Variants in SNPH observed in about 807,000 individuals in gnomAD.
The protein encoded by SNPH is syntaphilin.
A neutral mutation model predicts 36.8 loss-of-function variants in SNPH; 10 were observed. The observed-to-expected ratio is 0.27, with a 90% confidence interval of 0.17 to 0.46. The LOEUF (loss-of-function observed/expected upper bound fraction) is 0.46, where lower values mean the gene tolerates loss of function less well. SNPH is among the 20% of genes least tolerant of loss of function. The pLI, the probability that SNPH is intolerant of heterozygous loss-of-function variation, is 1.00. For synonymous variants in SNPH, 281 were observed against 312.2 expected (o/e 0.90, Z 1.05); for missense variants, 622 against 744.0 (o/e 0.84, Z 1.91).
At chr20:1,300,509 TG>T in intron 5 of SNPH, 52 bp from the exon 6 acceptor site, 1 of 1,604,894 alleles carries the variant, frequency 6.2e-7, no homozygotes, top group Non-Finnish European at 8.5e-7. Flanking sequence ...GTAAAGCACC[TG>T]TGCCTTGCCT....
chr20:1,290,307 G>A (rs1333614271), intron 2 of SNPH, among the ~76,000 whole-genome samples: 3 of 152,156 alleles, frequency 2.0e-5, no homozygotes, highest in East Asian at 1.9e-4. Flanking sequence ...CTTCTAAAAC[G>A]TTTTTTATCT....
chr20:1,299,134 A>G (rs758494525), intron 5 of SNPH, among the ~76,000 whole-genome samples: 6 of 152,080 alleles, frequency 3.9e-5, no homozygotes, highest in Admixed American at 2.6e-4. Context: ...ACCACTTCTC[A>G]TTCCACTTCT....
In SNPH at chr20:1,309,273, G is replaced by A. The variant is rs2088623464; in HGVS notation, c.*3219G>A. On this transcript the variant is annotated 3_prime_UTR_variant, in exon 7 of 7. Transcript: ENST00000381867. Reference sequence around the variant, plus strand: ...CTTGTCTCCTTTGTCCTTTTGTTCAGACAGAGTTGTACCTGCAGCAGACAA... The same window carrying A: ...CTTGTCTCCTTTGTCCTTTTGTTCAAACAGAGTTGTACCTGCAGCAGACAA... 1 of 152,646 alleles carries A rather than the reference G, an allele frequency of 6.6e-6. No individual in the cohort carries two copies. The highest frequency in any genetic ancestry group is 1.5e-5 in the Non-Finnish European group (1 of 68,058). The allele number at this position is 152,646 out of a possible 1,614,324, so 9.5% of individuals were successfully genotyped here.
At chr20:1,278,280 G>A (rs1024774911) in intron 2 of SNPH, among the ~76,000 whole-genome samples, 3 of 152,062 alleles carry the variant, frequency 2.0e-5, no homozygotes, top group African/African-American at 7.2e-5. Context: ...GTGTATGTGT[G>A]TTGTTTGTGT....
Position 1,294,722 on chromosome 20 carries a change from G to A in SNPH, c.-492-229G>A, listed in dbSNP as rs1057202924. 6.6e-5 allele frequency among the ~76,000 whole-genome samples: 10 copies of A among 152,204 alleles called. No individual in the cohort carries two copies. The highest frequency in any genetic ancestry group is 1.3e-4 in the Admixed American group (2 of 15,284). On this transcript the variant is annotated intron_variant, in intron 2 of 6. Transcript: ENST00000381867. The surrounding 1 kb of genome is among the most constrained non-coding windows in gnomAD (Gnocchi z 4.4). Reference sequence around the variant, plus strand: ...CTTTGTCCACTCAGGAGGCAGCCCCGCCGCTGGCTGGGATGACCAGGCTCC... The same window carrying A: ...CTTTGTCCACTCAGGAGGCAGCCCCACCGCTGGCTGGGATGACCAGGCTCC...
In SNPH at chr20:1,276,394, T is replaced by C. The variant is rs1277379492; in HGVS notation, c.-493+9634T>C. On this transcript the variant is annotated intron_variant, in intron 2 of 6. Coordinates refer to ENST00000381867, the MANE Select transcript of SNPH (RefSeq NM_001318234.2). This position sits in a 1 kb window ranked among gnomAD's most constrained non-coding sequence, Gnocchi z 4.6. The stretch of plus-strand genomic sequence containing the variant: ...CCCCCTTGCCCTGCTCTCTGAGTGG[T>C]TGGGAACAGAGAGCGCAGGTTGGAG... Among the ~76,000 whole-genome samples the C allele has an allele frequency of 1.3e-5, 2 of 152,246 alleles. No individual in the cohort carries two copies. The highest frequency in any genetic ancestry group is 6.5e-5 in the Admixed American group (1 of 15,292).
chr20:1,305,654 A>G lies in SNPH; in HGVS notation c.1217A>G (p.Asn406Ser). The G allele has an allele frequency of 6.2e-7, 1 of 1,613,136 alleles. No homozygotes were observed. The highest frequency in any genetic ancestry group is 8.5e-7 in the Non-Finnish European group (1 of 1,179,830). The change falls in exon 7 of 7, where the codon AAC becomes AGC. Residue 406 changes from asparagine (N) to serine (S), a missense_variant. Physicochemically the swap from Asn to Ser is conservative, Grantham distance 46 (BLOSUM62 1). Coordinates refer to ENST00000381867, the MANE Select transcript of SNPH (RefSeq NM_001318234.2). ...DAHPSGPRDPNSAVVVTVGDE... is the reference protein window; with the variant it reads ...DAHPSGPRDPSSAVVVTVGDE... ...CACCCTTCAGGGCCCAGAGACCCCA[A>G]CTCAGCAGTGGTGGTGACAGTGGGT... is the stretch of plus-strand genomic sequence containing the variant.
At position 1,277,316 on chromosome 20, in the gene SNPH, C is replaced by G. The variant is rs12480976; in HGVS notation, c.-493+10556C>G. ...AGATGGAATCCTGGGTTGAGGGACT[C>G]CTTGGGACTAGAGGCCATGTGGGAG... On this transcript the variant is annotated intron_variant, in intron 2 of 6. Transcript: ENST00000381867. Among the ~76,000 whole-genome samples the G allele has an allele frequency of 4.4e-3, 676 of 152,242 alleles. 17 individuals are homozygous for G. In the East Asian group the frequency reaches 0.07, roughly 16 times the overall value.
In SNPH at chr20:1,306,927, C is replaced by G. The variant is rs1172217729; in HGVS notation, c.*873C>G. The stretch of plus-strand genomic sequence containing the variant: ...GGGCAGAAACCCAAGGGGGCTCCCC[C>G]AGCCTTCCAAGGTGAGGCCATCTCA... On this transcript the variant is annotated 3_prime_UTR_variant, in exon 7 of 7. Transcript: ENST00000381867. 1 of 152,410 alleles carries G rather than the reference C, an allele frequency of 6.6e-6. No individual in the cohort carries two copies. Among genetic ancestry groups the G allele is most frequent in the African/African-American group, 2.4e-5 (1 of 41,464 alleles). 9.4% of individuals were successfully genotyped at this position (152,410 alleles called of 1,614,324 possible).
In SNPH at chr20:1,266,663, C is replaced by A; in HGVS notation, c.-590C>A. ...TTTCCTAACCCCGCAGGTCGCTGAT[C>A]AGGGCCAGGCGGCTGCAGCAGCGAC... On this transcript the variant is annotated 5_prime_UTR_variant, in exon 2 of 7. Transcript: ENST00000381867. The surrounding 1 kb of genome is among the most constrained non-coding windows in gnomAD (Gnocchi z 6.0). 6.7e-7 allele frequency: 1 copy of A among 1,487,258 alleles called. No homozygotes were observed. The highest frequency in any genetic ancestry group is 1.3e-5 in the South Asian group (1 of 77,100). The allele number at this position is 1,487,258 out of a possible 1,614,324, so 92.1% of individuals were successfully genotyped here.
chr20:1,271,708 G>A (rs2088075375), intron 2 of SNPH, among the ~76,000 whole-genome samples: 1 of 152,186 alleles, frequency 6.6e-6, no homozygotes, highest in Admixed American at 6.5e-5. Flanking sequence ...CAAAAGGCAT[G>A]AACAAATGCT....
Position 1,296,441 on chromosome 20 carries a change from A to G in SNPH, c.182+20A>G, listed in dbSNP as rs1008161515. ...ACGCAGGTGAGTCTCCCCCTCGCTC[A>G]CAGCCTAGGCTTCGGAGGGCGGGAG... On this transcript the variant is annotated intron_variant, in intron 4 of 6. Transcript: ENST00000381867. 7 of 1,582,500 alleles carry G rather than the reference A, an allele frequency of 4.4e-6. No individual in the cohort carries two copies. Among genetic ancestry groups the G allele is most frequent in the Non-Finnish European group, 6.0e-6 (7 of 1,167,702 alleles).
chr20:1,301,581 A>G (rs1189818022), intron 6 of SNPH, among the ~76,000 whole-genome samples: 4 of 152,110 alleles, frequency 2.6e-5, no homozygotes, highest in Non-Finnish European at 5.9e-5. Flanking sequence ...AAAGTGTACA[A>G]TTAGATGATT....
intron 2 of SNPH, among the ~76,000 whole-genome samples, chr20:1,290,858 T>C (rs1016169620): frequency 1.3e-5 from 2 of 152,258 alleles, no homozygotes; most frequent in Admixed American, 1.3e-4. Context: ...CAACGCTTGT[T>C]ATTGTCCATC....
rs997799605 is a variant in SNPH at position 1,266,809 on chromosome 20, G to A, written c.-493+49G>A. The A allele has an allele frequency of 6.9e-6, 9 of 1,303,564 alleles. No individual in the cohort carries two copies. Among genetic ancestry groups the A allele is most frequent in the Non-Finnish European group, 8.8e-6 (9 of 1,025,240 alleles). 80.7% of individuals were successfully genotyped at this position (1,303,564 alleles called of 1,614,324 possible). On this transcript the variant is annotated intron_variant, in intron 2 of 6. Coordinates refer to ENST00000381867, the MANE Select transcript of SNPH (RefSeq NM_001318234.2). The surrounding 1 kb of genome is among the most constrained non-coding windows in gnomAD (Gnocchi z 6.0). The stretch of plus-strand genomic sequence containing the variant: ...GGAGCTGGCCCTGCGCTGCACCGCG[G>A]CAGGTGGGGGCCGCTTGCAACCGCT...
intron 2 of SNPH, among the ~76,000 whole-genome samples, chr20:1,290,744 T>A (rs1376928029): frequency 5.3e-5 from 8 of 152,250 alleles, no homozygotes; most frequent in African/African-American, 1.9e-4. Flanking sequence ...GGCAATTCTA[T>A]GTTTAACTTT....
chr20:1,283,319 G>A (rs962574719), intron 2 of SNPH, among the ~76,000 whole-genome samples: 18 of 152,200 alleles, frequency 1.2e-4, no homozygotes, highest in South Asian at 4.1e-4. Context: ...TTTACTGGGG[G>A]CCTTGGGCAA....
rs2088011793 is a variant in SNPH, at chr20:1,266,821, C to G, written c.-493+61C>G. ...GCGCTGCACCGCGGCAGGTGGGGGC[C>G]GCTTGCAACCGCTCGCTGCGGTAGA... On this transcript the variant is annotated intron_variant, in intron 2 of 6. Transcript: ENST00000381867. The surrounding 1 kb of genome is among the most constrained non-coding windows in gnomAD (Gnocchi z 6.0). The G allele has an allele frequency of 1.5e-6, 2 of 1,302,630 alleles. No individual in the cohort carries two copies. Among genetic ancestry groups the G allele is most frequent in the South Asian group, 4.5e-5 (2 of 44,566 alleles). The allele number at this position is 1,302,630 out of a possible 1,614,324, so 80.7% of individuals were successfully genotyped here.
At chr20:1,296,463 G>A (rs767900894) in intron 4 of SNPH, 42 bp downstream of exon 4, 2 of 1,545,798 alleles carry the variant, frequency 1.3e-6, no homozygotes, top group Admixed American at 2.1e-5. Flanking sequence ...TCGGAGGGCG[G>A]GAGGAGGGCG....
Sources: gnomAD v4.1 joint callset for allele counts (sites outside exome capture counted in the v4.1 genomes callset) on GRCh38, gnomAD v4.1.1 for gene constraint, Gnocchi (gnomAD v3.1) non-coding constraint, MANE v1.5 for transcripts, NCBI Gene and HGNC (gene_info 2026-07-23, HGNC 2026-07-21) for gene names.